Variants in CLNK observed in about 807,000 individuals in gnomAD.
The protein encoded by CLNK is cytokine dependent hematopoietic cell linker, also known as cytokine-dependent hematopoietic cell linker.
CLNK carries 74 observed loss-of-function variants against 68.6 expected under a neutral mutation model. The observed-to-expected ratio is 1.08, with a 90% CI of 0.89 to 1.31. CLNK has a LOEUF of 1.31. Ranked by LOEUF, CLNK falls within the 50% of genes most tolerant of loss-of-function variation. The probability of loss-of-function intolerance (pLI) is 0.00; values close to 1 mark genes in which losing one functional copy is unlikely to be tolerated. For synonymous variants in CLNK, 198 were observed against 172.2 expected, an observed-to-expected ratio of 1.15 and a Z score of -1.17; for missense variants, 553 against 515.3, an observed-to-expected ratio of 1.07 and a Z score of -0.71.
At chr4:10,565,486 G>A (rs555849909) in intron 6 of CLNK, among the ~76,000 whole-genome samples, 3 of 152,226 alleles carry the variant, frequency 2.0e-5, no homozygotes, top group African/African-American at 4.8e-5. Context: ...TGTGAAATTA[G>A]GTCCTCTTAT....
At chr4:10,641,655 T>G (rs2108875892) in intron 2 of CLNK, among the ~76,000 whole-genome samples, 1 of 152,290 alleles carries the variant, frequency 6.6e-6, no homozygotes, top group South Asian at 2.1e-4. Flanking sequence ...AACACATAAA[T>G]GACAAAAATG....
chr4:10,566,794 G>A (rs1720132784), intron 5 of CLNK, among the ~76,000 whole-genome samples: 1 of 151,956 alleles, frequency 6.6e-6, no homozygotes. Context: ...GAACAGCCTG[G>A]GCAACAGAGT....
chr4:10,634,129 A>G (rs1157499454), intron 2 of CLNK, among the ~76,000 whole-genome samples: 1 of 152,154 alleles, frequency 6.6e-6, no homozygotes, highest in Non-Finnish European at 1.5e-5. Flanking sequence ...TTGCATTTTT[A>G]AGGTGCCAGA....
Position 10,507,969 on chromosome 4 carries a change from T to A in CLNK, c.974A>T (p.Lys325Met), listed in dbSNP as rs752272011. 18 of 1,606,948 alleles carry A rather than the reference T, an allele frequency of 1.1e-5. No individual in the cohort carries two copies. The highest frequency in any genetic ancestry group is 1.4e-5 in the Non-Finnish European group (17 of 1,176,416). The change falls in exon 17 of 19, where the codon AAG becomes ATG. Residue 325 changes from lysine (K) to methionine (M), a missense_variant. Physicochemically the swap from Lys to Met is moderately conservative, Grantham distance 95. Coordinates refer to ENST00000226951, the MANE Select transcript of CLNK (RefSeq NM_052964.4). Reference protein sequence around the residue: ...SRQAVEEAFMKENKDGSFLVR... With the variant: ...SRQAVEEAFMMENKDGSFLVR... ...CGTAGAAGGCATTACCTTGTTCTCC[T>A]TCATGAATGCCTCTTCCACTGCCTG...
chr4:10,684,069 G>A (rs1725180536), intron 1 of CLNK, among the ~76,000 whole-genome samples: 1 of 152,080 alleles, frequency 6.6e-6, no homozygotes, highest in African/African-American at 2.4e-5. Flanking sequence ...TCCAATAAAA[G>A]CCTGGTAGAG....
intron 1 of CLNK, among the ~76,000 whole-genome samples, chr4:10,678,663 G>A (rs972621391): frequency 1.7e-4 from 26 of 152,044 alleles, no homozygotes; most frequent in African/African-American, 6.3e-4. Context: ...AAGCTGATAG[G>A]CAACTTCAGC....
At chr4:10,638,306 G>T (rs1257462383) in intron 2 of CLNK, among the ~76,000 whole-genome samples, 1 of 152,184 alleles carries the variant, frequency 6.6e-6, no homozygotes, top group Non-Finnish European at 1.5e-5. Flanking sequence ...TAAATTGTGT[G>T]CATCCAGATG....
intron 2 of CLNK, among the ~76,000 whole-genome samples, chr4:10,624,593 GTTTT>G (rs10559473): frequency 0.026 from 3,147 of 122,872 alleles, 81 homozygotes; most frequent in African/African-American, 0.065. Flanking sequence ...CGCCCGGCCA[GTTTT>G]TTTTTTTTTT....
At chr4:10,669,574 A>C (rs1032456271) in intron 1 of CLNK, among the ~76,000 whole-genome samples, 5 of 152,206 alleles carry the variant, frequency 3.3e-5, no homozygotes, top group South Asian at 4.1e-4. Flanking sequence ...TTGGTAGTAC[A>C]TGAAAAAGAA....
intron 1 of CLNK, among the ~76,000 whole-genome samples, chr4:10,676,824 T>C (rs1227431041): frequency 6.6e-6 from 1 of 152,068 alleles, no homozygotes; most frequent in African/African-American, 2.4e-5. Flanking sequence ...CTCCTCCTTC[T>C]TTTTTCTTTG....
chr4:10,575,750 A>G (rs866170856), intron 4 of CLNK, among the ~76,000 whole-genome samples: 23 of 152,238 alleles, frequency 1.5e-4, no homozygotes, highest in Admixed American at 2.6e-4. Context: ...GGGATGATGG[A>G]AGCTGTTGGG....
Position 10,501,358 on chromosome 4 carries a change from A to C in CLNK, c.1038T>G (p.Tyr346Ter), listed in dbSNP as rs374287468. 1.2e-6 allele frequency: 2 copies of C among 1,610,312 alleles called. No individual in the cohort carries two copies. Among genetic ancestry groups the C allele is most frequent in the Admixed American group, 1.7e-5 (1 of 58,610 alleles). Residue 346 changes from tyrosine to a stop codon, truncating the protein, a stop_gained, in exon 18 of 19, where the codon TAT (tyrosine) becomes TAG (stop). Transcript: ENST00000226951. LOFTEE classifies it high-confidence loss of function. ...DCSTKSKEEP[Y>*]VLAVFYENKV... The stretch of plus-strand genomic sequence containing the variant: ...TGTTCTCATAAAACACAGCCAAAAC[A>C]TAGGGCTCTTCCTTGGATTTTGTGG...
chr4:10,516,793 C>A (rs190378036), intron 15 of CLNK, among the ~76,000 whole-genome samples: 1 of 152,146 alleles, frequency 6.6e-6, no homozygotes, highest in East Asian at 1.9e-4. Flanking sequence ...TCAGGCGATC[C>A]GCCCACCTCG....
chr4:10,508,093 GATTA>G (rs2109032247), intron 16 of CLNK, 57 bp from the exon 17 acceptor site: 2 of 1,331,636 alleles, frequency 1.5e-6, no homozygotes, highest in Non-Finnish European at 2.1e-6. Context: ...ATGAATTATT[GATTA>G]ATTAATTCAA....
chr4:10,595,417 C>G (rs7695974), intron 3 of CLNK, among the ~76,000 whole-genome samples: 17,078 of 151,990 alleles, frequency 0.11, 1,030 homozygotes, highest in Middle Eastern at 0.15. Context: ...GTGGGTATTG[C>G]GGATTTAGTA....
chr4:10,627,212 G>A (rs1445695324), intron 2 of CLNK, among the ~76,000 whole-genome samples: 1 of 152,176 alleles, frequency 6.6e-6, no homozygotes, highest in African/African-American at 2.4e-5. Context: ...GCCAGGAGTA[G>A]CTACAGACTG....
chr4:10,568,787 T>C (rs1402661301), intron 5 of CLNK, among the ~76,000 whole-genome samples: 1 of 152,162 alleles, frequency 6.6e-6, no homozygotes, highest in African/African-American at 2.4e-5. Flanking sequence ...TTGCTTTCAG[T>C]CTTGTGAGAC....
Position 10,677,837 on chromosome 4 carries a change from C to CAATAATAATAACAAT in CLNK, c.-43+6830_-43+6831insATTGTTATTATTATT, listed in dbSNP as rs1553866358. Among the ~76,000 whole-genome samples, 41 of 149,170 alleles carry CAATAATAATAACAAT rather than the reference C, an allele frequency of 2.7e-4. 2 individuals carry two copies. The East Asian group carries it at 7.9e-3, about 29-fold the overall frequency. On this transcript the variant is annotated intron_variant, in intron 1 of 18. Coordinates refer to ENST00000226951, the MANE Select transcript of CLNK (RefSeq NM_052964.4). ...TGTGAAAATGGACTAATAAAAATAGCAATAATAATAATAATAATAATAATA... is the reference window on the plus strand; with the variant it reads ...TGTGAAAATGGACTAATAAAAATAGCAATAATAATAACAATAATAATAATAATAATAATAATAATA...
chr4:10,600,596 G>A (rs1397785371), intron 2 of CLNK, among the ~76,000 whole-genome samples: 1 of 152,146 alleles, frequency 6.6e-6, no homozygotes, highest in Admixed American at 6.5e-5. Flanking sequence ...TGTAGCCTGG[G>A]CATCTTTTTC....
Sources: allele counts gnomAD v4.1 joint callset (sites outside exome capture counted in the v4.1 genomes callset), GRCh38; gene constraint gnomAD v4.1.1; transcripts MANE v1.5; gene names NCBI Gene and HGNC (gene_info 2026-07-23, HGNC 2026-07-21).